Variants in ZNF41 observed in about 807,000 individuals in gnomAD.
The protein encoded by ZNF41 is zinc finger protein 41.
In ZNF41, 6 loss-of-function variants were observed where a neutral mutation model predicts 9.3. The observed-to-expected ratio is 0.65, with a 90% CI of 0.35 to 1.28. ZNF41 has a LOEUF of 1.28. Ranked by LOEUF, ZNF41 falls within the 50% of genes most tolerant of loss-of-function variation. The pLI, the probability that ZNF41 is intolerant of heterozygous loss-of-function variation, is 0.03. For missense variants in ZNF41, 523 were observed against 585.8 expected (o/e 0.89, Z 1.11); for synonymous variants, 192 against 207.1 (o/e 0.93, Z 0.63).
At chrX:47,453,887 C>T (rs1248897664) in intron 4 of ZNF41, among the ~76,000 whole-genome samples, 1 of 111,150 alleles carries the variant, frequency 9.0e-6, no homozygotes, top group Non-Finnish European at 1.9e-5. Flanking sequence ...GCCTGGCCAA[C>T]ATGGCAAAAC....
At chrX:47,469,030 A>G (rs1031716437) in intron 1 of ZNF41, among the ~76,000 whole-genome samples, 5 of 111,481 alleles carry the variant, frequency 4.5e-5, no homozygotes, top group Non-Finnish European at 7.5e-5. Flanking sequence ...AGACAATTTT[A>G]GCCGGGCGCG....
intron 2 of ZNF41, among the ~76,000 whole-genome samples, chrX:47,459,240 C>G (rs2056686750): frequency 9.2e-6 from 1 of 108,770 alleles, no homozygotes; most frequent in Non-Finnish European, 1.9e-5. Context: ...GTCTCAGTTA[C>G]TTGGGAGGCT....
intron 4 of ZNF41, 100 bp downstream of exon 4, chrX:47,455,821 A>G (rs1462614987): frequency 2.2e-5 from 18 of 813,988 alleles, no homozygotes; most frequent in Non-Finnish European, 3.3e-5. Context: ...TAGAACTTTC[A>G]AGATGGGTTA....
At position 47,448,470 on chromosome X, in the gene ZNF41, T is replaced by G; in HGVS notation, c.1300A>C (p.Thr434Pro). 1 of 1,211,809 alleles carries G rather than the reference T, an allele frequency of 8.3e-7. No homozygotes were observed. Among genetic ancestry groups the G allele is most frequent in the Non-Finnish European group, 1.1e-6 (1 of 895,547 alleles). ...SALRMHQRIH[T>P]GEKPYVCADC... ...GCGCATACATAAGGTTTCTCTCCCG[T>G]GTGGATTCTCTGATGCATCCTGAGT... Residue 434 changes from threonine to proline, a missense_variant, in exon 5 of 5, where the codon ACG (threonine) becomes CCG (proline). Transcript: ENST00000684689.
At position 47,449,029 on chromosome X, in the gene ZNF41, G is replaced by C. The variant is rs752497012; in HGVS notation, c.741C>G (p.His247Gln). ...KTGANSCEHD[H>Q]YEKHLSHKQA... ...GTTTGTGGCTGAGATGTTTTTCATA[G>C]TGGTCATGTTCACAGGAATTTGCTC... is the stretch of plus-strand genomic sequence containing the variant. The change falls in exon 5 of 5, where the codon CAC (histidine) becomes CAG (glutamine). Residue 247 changes from histidine (H) to glutamine (Q), a missense_variant. Coordinates refer to ENST00000684689, the MANE Select transcript of ZNF41 (RefSeq NM_001324144.2). 2 of 1,211,684 alleles carry C rather than the reference G, an allele frequency of 1.7e-6. No homozygotes were observed. Among genetic ancestry groups the C allele is most frequent in the East Asian group, 5.9e-5 (2 of 33,852 alleles).
intron 2 of ZNF41, among the ~76,000 whole-genome samples, chrX:47,462,910 G>GTATATA (rs61273021): frequency 0.23 from 20,845 of 92,408 alleles, 2,380 homozygotes; most frequent in South Asian, 0.33. Flanking sequence ...TTTTTTGTAT[G>GTATATA]TATATATATA....
chrX:47,463,057 T>G (rs1004280551), intron 2 of ZNF41, among the ~76,000 whole-genome samples: 1 of 110,190 alleles, frequency 9.1e-6, no homozygotes, highest in African/African-American at 3.3e-5. Context: ...CAGGCTGGTC[T>G]TCAAACAATC....
At position 47,472,429 on chromosome X, in the gene ZNF41, GCTT is replaced by G. The variant is rs1158824175; in HGVS notation, c.-279-4672_-279-4670del. ...CCATATGATTATGTTTAAAAACATG[GCTT>G]CTTTTTTTTTTTTTTTTTTTTTTTT... On this transcript the variant is annotated intron_variant, in intron 1 of 4. Coordinates refer to ENST00000684689, the MANE Select transcript of ZNF41 (RefSeq NM_001324144.2). Among the ~76,000 whole-genome samples the G allele has an allele frequency of 3.3e-4, 33 of 101,043 alleles. 1 individual carries two copies. The highest frequency in any genetic ancestry group is 5.2e-4 in the Non-Finnish European group (26 of 50,186). The allele number at this position is 101,043 out of a possible 115,157, so 87.7% of individuals were successfully genotyped here.
intron 1 of ZNF41, among the ~76,000 whole-genome samples, chrX:47,481,209 T>G (rs947430412): frequency 2.7e-5 from 3 of 111,383 alleles, no homozygotes; most frequent in African/African-American, 9.8e-5. Context: ...GTGGGAGGAC[T>G]ACTTGAGGAT....
In ZNF41 at chrX:47,448,829, A is replaced by T. The variant is rs2056237129; in HGVS notation, c.941T>A (p.Val314Asp). ...SNKVFPQKPQVDVHPSVYTGE... is the reference protein window; with the variant it reads ...SNKVFPQKPQDDVHPSVYTGE... Reference sequence around the variant, plus strand: ...TGTATAAACACTTGGATGTACATCAACCTGGGGTTTCTGGGGGAAGACTTT... The same window carrying T: ...TGTATAAACACTTGGATGTACATCATCCTGGGGTTTCTGGGGGAAGACTTT... The change falls in exon 5 of 5, where the codon GTT becomes GAT. Residue 314 changes from valine (V) to aspartate (D), a missense_variant. By Grantham distance (152) the Val-to-Asp change is radical (BLOSUM62 -3). Coordinates refer to ENST00000684689, the MANE Select transcript of ZNF41 (RefSeq NM_001324144.2). 1 of 1,209,511 alleles carries T rather than the reference A, an allele frequency of 8.3e-7. No homozygotes were observed. The highest frequency in any genetic ancestry group is 1.1e-6 in the Non-Finnish European group (1 of 895,146).
At chrX:47,467,912 TTTC>T (rs774101956) in intron 1 of ZNF41, among the ~76,000 whole-genome samples, 152 bp from the exon 2 acceptor site, 1 of 112,380 alleles carries the variant, frequency 8.9e-6, no homozygotes, top group South Asian at 3.7e-4. Flanking sequence ...TTATGTGAAG[TTTC>T]TTCATCTTTA....
In ZNF41 at chrX:47,449,112, T is replaced by C; in HGVS notation, c.658A>G (p.Asn220Asp). Residue 220 changes from asparagine to aspartate, a missense_variant, in exon 5 of 5, where the codon AAT (asparagine) becomes GAT (aspartate). By Grantham distance (23) the Asn-to-Asp change is conservative (BLOSUM62 1). Transcript: ENST00000684689. Reference protein sequence around the residue: ...ATKNLGKIFGNGNNFPHSPSS... With the variant: ...ATKNLGKIFGDGNNFPHSPSS... ...GGGCTATGGGGGAAATTGTTACCAT[T>C]TCCAAAAATCTTGCCAAGGTTCTTT... 2 of 1,211,832 alleles carry C rather than the reference T, an allele frequency of 1.7e-6. No individual in the cohort carries two copies. The highest frequency in any genetic ancestry group is 2.2e-6 in the Non-Finnish European group (2 of 895,591).
At chrX:47,479,343 C>A (rs1387047065) in intron 1 of ZNF41, among the ~76,000 whole-genome samples, 1 of 111,863 alleles carries the variant, frequency 8.9e-6, no homozygotes, top group Non-Finnish European at 1.9e-5. Context: ...TGAATAAACA[C>A]CTTTCACATT....
intron 1 of ZNF41, among the ~76,000 whole-genome samples, chrX:47,469,814 G>A (rs1221063594): frequency 1.8e-5 from 2 of 111,093 alleles, no homozygotes; most frequent in East Asian, 5.7e-4. Context: ...AGGTTGCAGT[G>A]AGCCGAGATC....
intron 1 of ZNF41, 79 bp from the exon 2 acceptor site, chrX:47,467,839 A>G (rs2057043034): frequency 3.9e-6 from 1 of 258,605 alleles, no homozygotes; most frequent in Non-Finnish European, 6.9e-6. Flanking sequence ...GATCTGGTGT[A>G]AAATGAATGA....
rs980509273 is a variant in ZNF41, at chrX:47,447,255, A to C, written c.*175T>G. 4 of 554,680 alleles carry C rather than the reference A, an allele frequency of 7.2e-6. No individual in the cohort carries two copies. In the African/African-American group the frequency reaches 9.1e-5, roughly 13 times the overall value. The allele number at this position is 554,680 out of a possible 1,213,427, so 45.7% of individuals were successfully genotyped here. A position where few individuals can be genotyped will look rare whatever the true frequency, so the allele number is the denominator to read the frequency against. ...GCATATACACTGTGGTGATGCAGGA[A>C]CTTGTCTTTCCAGTGGACTGAAGGA... On this transcript the variant is annotated 3_prime_UTR_variant, in exon 5 of 5. Transcript: ENST00000684689.
intron 2 of ZNF41, among the ~76,000 whole-genome samples, chrX:47,460,882 T>C (rs1201132444): frequency 1.8e-5 from 2 of 111,228 alleles, no homozygotes; most frequent in African/African-American, 6.5e-5. Context: ...TATGACACAG[T>C]GAGTCCACTC....
intron 1 of ZNF41, among the ~76,000 whole-genome samples, chrX:47,481,034 C>T (rs956857501): frequency 2.7e-5 from 3 of 111,299 alleles, no homozygotes; most frequent in African/African-American, 9.8e-5. Context: ...AAAATGTCAA[C>T]GTTTTGGGAA....
At chrX:47,454,021 G>A (rs764944279) in intron 4 of ZNF41, among the ~76,000 whole-genome samples, 38 of 111,355 alleles carry the variant, frequency 3.4e-4, no homozygotes, top group Non-Finnish European at 7.0e-4. Context: ...GCAGTAAGCC[G>A]AAATGGCACC....
Sources: gnomAD v4.1 joint callset for allele counts (sites outside exome capture counted in the v4.1 genomes callset) on GRCh38, gnomAD v4.1.1 for gene constraint, MANE v1.5 for transcripts, NCBI Gene and HGNC (gene_info 2026-07-23, HGNC 2026-07-21) for gene names.